Variants in ATRN observed in about 807,000 individuals in gnomAD.
ATRN encodes attractin-2.
In ATRN, 54 loss-of-function variants were observed where a neutral mutation model predicts 178.7. The observed-to-expected ratio is 0.30, with a 90% CI of 0.24 to 0.38. The LOEUF (loss-of-function observed/expected upper bound fraction) is 0.38, where lower values mean the gene tolerates loss of function less well. Ranked by LOEUF, ATRN falls within the 10% of genes least tolerant of loss-of-function variation. ATRN has a pLI of 1.00. For synonymous variants in ATRN, 636 were observed against 663.0 expected (o/e 0.96, Z 0.63); for missense variants, 1,443 against 1,815.1 (o/e 0.79, Z 3.73).
chr20:3,596,625 G>A (rs1004309775), intron 21 of ATRN, among the ~76,000 whole-genome samples, 196 bp downstream of exon 21: 1 of 152,114 alleles, frequency 6.6e-6, no homozygotes, highest in African/African-American at 2.4e-5. Context: ...AATTGTGTTT[G>A]GGGTTAACGT....
chr20:3,574,064 T>C (rs976273480), intron 12 of ATRN, among the ~76,000 whole-genome samples: 1 of 152,216 alleles, frequency 6.6e-6, no homozygotes, highest in African/African-American at 2.4e-5. Flanking sequence ...GTAAGAATGT[T>C]GTCTCTACAT....
chr20:3,570,681 C>G (rs180902255), intron 11 of ATRN, among the ~76,000 whole-genome samples: 10 of 152,302 alleles, frequency 6.6e-5, no homozygotes, highest in Admixed American at 2.0e-4. Flanking sequence ...TTATCTGATA[C>G]TACCCTCGTT....
intron 1 of ATRN, among the ~76,000 whole-genome samples, chr20:3,476,653 G>A (rs950325119): frequency 6.6e-6 from 1 of 152,234 alleles, no homozygotes; most frequent in Non-Finnish European, 1.5e-5. Context: ...GAGGTCAGGA[G>A]TTCGAGACTA....
chr20:3,583,804 C>CT, intron 16 of ATRN, 94 bp from the exon 17 acceptor site: 4 of 1,290,194 alleles, frequency 3.1e-6, no homozygotes, highest in Middle Eastern at 2.0e-4. Context: ...GAGACTCCGT[C>CT]TCAAAAAAAA....
intron 26 of ATRN, among the ~76,000 whole-genome samples, chr20:3,634,763 T>C (rs932596416): frequency 3.3e-5 from 5 of 152,220 alleles, no homozygotes; most frequent in African/African-American, 1.2e-4. Context: ...GAACTTGTCA[T>C]GCGAGAGGGA....
At chr20:3,564,980 G>T (rs2086011444) in intron 10 of ATRN, among the ~76,000 whole-genome samples, 2 of 152,148 alleles carry the variant, frequency 1.3e-5, no homozygotes, top group Admixed American at 1.3e-4. Context: ...CAGGAGAATG[G>T]CGTGAACCTG....
chr20:3,598,105 G>A (rs2086556983), intron 22 of ATRN, 105 bp downstream of exon 22: 2 of 716,834 alleles, frequency 2.8e-6, no homozygotes, highest in Non-Finnish European at 4.9e-6. Context: ...CCAGACTGGA[G>A]TACACGAGAT....
chr20:3,493,679 G>A (rs757738724), intron 1 of ATRN, among the ~76,000 whole-genome samples: 1 of 152,060 alleles, frequency 6.6e-6, no homozygotes, highest in Non-Finnish European at 1.5e-5. Flanking sequence ...ACCAAGCTAG[G>A]CATCCACACG....
rs140498520 is a variant in ATRN at position 3,560,833 on chromosome 20, G to C, written c.1375G>C (p.Val459Leu). Residue 459 changes from valine (V) to leucine (L), a missense_variant, in exon 8 of 29, where the codon GTG becomes CTG. Val to Leu is a conservative substitution (Grantham distance 32). Transcript: ENST00000262919. ...CATTGTTACACTGAAGAATGGCCGA[G>C]TGGTCATGCTGGTCATCTTTGGTCA... ...AHIVTLKNGR[V>L]VMLVIFGHCP... 20 of 1,614,074 alleles carry C rather than the reference G, an allele frequency of 1.2e-5. No homozygotes were observed. Among genetic ancestry groups the C allele is most frequent in the Non-Finnish European group, 1.7e-5 (20 of 1,180,050 alleles).
rs556483405 is a variant in ATRN, at chr20:3,551,187, C to T, written c.1112+1849C>T. ...GAACACCTAGAATACTATGCTCTAT[C>T]CCCAGGATGTCCCCTAGTGTAGTGA... is the stretch of plus-strand genomic sequence containing the variant. On this transcript the variant is annotated intron_variant, in intron 6 of 28. Transcript: ENST00000262919. 4.6e-5 allele frequency among the ~76,000 whole-genome samples: 7 copies of T among 152,306 alleles called. No individual in the cohort carries two copies. In the South Asian group the frequency reaches 1.5e-3, roughly 32 times the overall value.
intron 24 of ATRN, among the ~76,000 whole-genome samples, chr20:3,618,764 G>A (rs2086872187): frequency 6.6e-6 from 1 of 152,202 alleles, no homozygotes; most frequent in Non-Finnish European, 1.5e-5. Context: ...GTGTGAGGCC[G>A]GGTGATGGTC....
intron 6 of ATRN, among the ~76,000 whole-genome samples, chr20:3,552,553 A>G (rs1402006856): frequency 1.3e-5 from 2 of 152,224 alleles, no homozygotes; most frequent in Non-Finnish European, 1.5e-5. Context: ...CTCATGCTAC[A>G]TAACAAATTA....
intron 27 of ATRN, among the ~76,000 whole-genome samples, chr20:3,641,233 C>G (rs888516432): frequency 1.3e-5 from 2 of 152,118 alleles, no homozygotes; most frequent in Non-Finnish European, 2.9e-5. Flanking sequence ...TACCACTGAA[C>G]TGTACATTTT....
intron 12 of ATRN, among the ~76,000 whole-genome samples, chr20:3,574,802 G>C (rs1175948177): frequency 1.3e-5 from 2 of 152,182 alleles, no homozygotes; most frequent in African/African-American, 4.8e-5. Flanking sequence ...GGTGGGCCCA[G>C]TCCTTGGGAT....
Position 3,550,358 on chromosome 20 carries a change from GCTGTTA to G in ATRN, c.1112+1037_1112+1042del, listed in dbSNP as rs934394391. ...GTATCTGTTTTTGTACTAGTGCCAT[GCTGTTA>G]CTGTTACTGTTACTGTAGCCCAGGA... On this transcript the variant is annotated intron_variant, in intron 6 of 28. Transcript: ENST00000262919. Among the ~76,000 whole-genome samples, 8 of 152,140 alleles carry G rather than the reference GCTGTTA, an allele frequency of 5.3e-5. No homozygotes were observed. In the East Asian group the frequency reaches 5.8e-4, roughly 11 times the overall value.
chr20:3,490,420 A>C (rs1260373539), intron 1 of ATRN: 2 of 924,696 alleles, frequency 2.2e-6, no homozygotes, highest in Admixed American at 1.7e-5. Flanking sequence ...GAGAGGCTTT[A>C]CTCTATCTGT....
intron 1 of ATRN, among the ~76,000 whole-genome samples, chr20:3,492,894 CACAT>C (rs2084822351): frequency 6.8e-6 from 1 of 146,412 alleles, no homozygotes; most frequent in Non-Finnish European, 1.5e-5. Flanking sequence ...CACACACACA[CACAT>C]AACTAATATA....
chr20:3,629,865 C>G (rs1396643090), intron 25 of ATRN, among the ~76,000 whole-genome samples: 1 of 152,178 alleles, frequency 6.6e-6, no homozygotes, highest in Non-Finnish European at 1.5e-5. Flanking sequence ...TCTTTCATGC[C>G]GTCTCTGGAC....
At chr20:3,617,985 C>G (rs1291332890) in intron 24 of ATRN, among the ~76,000 whole-genome samples, 1 of 152,202 alleles carries the variant, frequency 6.6e-6, no homozygotes, top group African/African-American at 2.4e-5. Flanking sequence ...TGCCTTCACC[C>G]CGACGCACAG....
Sources: allele counts gnomAD v4.1 joint callset (sites outside exome capture counted in the v4.1 genomes callset), GRCh38; gene constraint gnomAD v4.1.1; transcripts MANE v1.5; gene names NCBI Gene and HGNC (gene_info 2026-07-23, HGNC 2026-07-21).